GABBR2: variants seen among roughly 807,000 people sequenced by gnomAD.
The protein encoded by GABBR2 is G-protein coupled receptor 51.
In GABBR2, 23 loss-of-function variants were observed where a neutral mutation model predicts 105.6. That is an observed-to-expected ratio of 0.22 (90% CI 0.16 to 0.31). The LOEUF is 0.31. GABBR2 is among the 10% of genes least tolerant of loss of function. The pLI is 1.00. For synonymous variants in GABBR2, 478 were observed against 499.7 expected (o/e 0.96, Z 0.58); for missense variants, 734 against 1,245.5 (o/e 0.59, Z 6.18).
At chr9:98,536,404 C>G (rs974099129) in intron 3 of GABBR2, among the ~76,000 whole-genome samples, 4 of 152,162 alleles carry the variant, frequency 2.6e-5, no homozygotes, top group African/African-American at 9.7e-5. Flanking sequence ...TTAGCTGCAA[C>G]ATAGAATTGA....
intron 6 of GABBR2, among the ~76,000 whole-genome samples, chr9:98,456,024 C>A (rs946767340): frequency 6.6e-6 from 1 of 152,170 alleles, no homozygotes; most frequent in Non-Finnish European, 1.5e-5. Flanking sequence ...AAACTCCCCC[C>A]AAATCCCAGG....
chr9:98,700,470 T>C (rs144548516), intron 1 of GABBR2, among the ~76,000 whole-genome samples: 1 of 152,304 alleles, frequency 6.6e-6, no homozygotes, highest in Non-Finnish European at 1.5e-5. Flanking sequence ...ACTCATGTAA[T>C]GGATAATCTT....
chr9:98,485,129 G>T lies in GABBR2; in HGVS notation c.733-4132C>A, dbSNP rs149191905. ...TGTGCCCTTCCAGGGACTTGGCTCTGCAGGGAGCTTCCTGGAGTGAAAGCA... is the reference window on the plus strand; with the variant it reads ...TGTGCCCTTCCAGGGACTTGGCTCTTCAGGGAGCTTCCTGGAGTGAAAGCA... On this transcript the variant is annotated intron_variant, in intron 4 of 18. Transcript: ENST00000259455. 1.3e-3 allele frequency among the ~76,000 whole-genome samples: 202 copies of T among 152,344 alleles called. 1 individual carries two copies. Among genetic ancestry groups the T allele is most frequent in the African/African-American group, 4.6e-3 (192 of 41,580 alleles).
chr9:98,616,078 A>G (rs536141273), intron 1 of GABBR2, among the ~76,000 whole-genome samples: 2 of 152,348 alleles, frequency 1.3e-5, no homozygotes, highest in South Asian at 4.1e-4. Context: ...AGATAAGGAA[A>G]CTGAGATTCA....
intron 7 of GABBR2, among the ~76,000 whole-genome samples, chr9:98,424,957 G>T (rs1010574596): frequency 6.6e-6 from 1 of 151,724 alleles, no homozygotes; most frequent in East Asian, 1.9e-4. Flanking sequence ...ACCAATGACT[G>T]TCTTCACAGA....
At chr9:98,401,774 G>A (rs1482842428) in intron 8 of GABBR2, among the ~76,000 whole-genome samples, 1 of 152,180 alleles carries the variant, frequency 6.6e-6, no homozygotes, top group East Asian at 1.9e-4. Flanking sequence ...ATTCTAGTAG[G>A]TTCTGGGAAA....
intron 2 of GABBR2, among the ~76,000 whole-genome samples, chr9:98,563,575 C>T (rs1265544439): frequency 1.3e-5 from 2 of 152,192 alleles, no homozygotes; most frequent in Non-Finnish European, 1.5e-5. Context: ...TCTCAGAAGA[C>T]ACCCCGGATG....
At chr9:98,298,581 A>T (rs1250952343) in intron 17 of GABBR2, among the ~76,000 whole-genome samples, 2 of 151,928 alleles carry the variant, frequency 1.3e-5, no homozygotes, top group East Asian at 1.9e-4. Context: ...AACCTTTAAA[A>T]TTTTTTTTCT....
intron 1 of GABBR2, among the ~76,000 whole-genome samples, chr9:98,638,563 A>G (rs1401315469): frequency 6.6e-6 from 1 of 152,228 alleles, no homozygotes; most frequent in Non-Finnish European, 1.5e-5. Context: ...GGCTGGATAC[A>G]AAAACCCACC....
chr9:98,406,013 A>G lies in GABBR2; in HGVS notation c.1297+68T>C, dbSNP rs148099536. Reference sequence around the variant, plus strand: ...ACTTGCATTCCTTTTGATGTATTATATTGCATAAAACAACATTCCTGAATC... The same window carrying G: ...ACTTGCATTCCTTTTGATGTATTATGTTGCATAAAACAACATTCCTGAATC... On this transcript the variant is annotated intron_variant, in intron 8 of 18. Transcript: ENST00000259455. The G allele has an allele frequency of 9.6e-4, 841 of 875,234 alleles. 11 individuals carry two copies. The East Asian group carries it at 0.02, about 21-fold the overall frequency. 54.2% of individuals were successfully genotyped at this position (875,234 alleles called of 1,614,324 possible).
At position 98,496,494 on chromosome 9, in the gene GABBR2, T is replaced by C. The variant is rs1425850806; in HGVS notation, c.651A>G (p.Gly217=). 6.2e-7 allele frequency: 1 copy of C among 1,612,026 alleles called. No individual in the cohort carries two copies. The highest frequency in any genetic ancestry group is 1.7e-5 in the Admixed American group (1 of 60,004). ...RFSEVRNDLT[G]VLYGEDIEIS... ...TCTCAATGTCCTCGCCATACAGAAC[T>C]CCAGTCAGGTCATTCCGCACCTGTC... The change falls in exon 4 of 19, where the codon GGA becomes GGG. Residue 217 remains glycine (G), a synonymous_variant. Transcript: ENST00000259455.
At chr9:98,590,190 C>T (rs184409090) in intron 1 of GABBR2, among the ~76,000 whole-genome samples, 6 of 152,334 alleles carry the variant, frequency 3.9e-5, no homozygotes, top group Admixed American at 3.3e-4. Flanking sequence ...ATATCCATAG[C>T]TCTGTCCCAA....
intron 13 of GABBR2, among the ~76,000 whole-genome samples, chr9:98,316,149 A>G (rs1394842396): frequency 7.1e-6 from 1 of 141,764 alleles, no homozygotes; most frequent in African/African-American, 2.5e-5. Flanking sequence ...CAAAATTTTC[A>G]ACTGGCTTTT....
chr9:98,705,909 T>C (rs1830885790), intron 1 of GABBR2, among the ~76,000 whole-genome samples: 1 of 151,742 alleles, frequency 6.6e-6, no homozygotes, highest in Admixed American at 6.6e-5. Context: ...AAACCCCATC[T>C]CTACTAAAAA....
At position 98,290,557 on chromosome 9, in the gene GABBR2, G is replaced by T. The variant is rs777626373; in HGVS notation, c.*27C>A. On this transcript the variant is annotated 3_prime_UTR_variant, in exon 19 of 19. Coordinates refer to ENST00000259455, the MANE Select transcript of GABBR2 (RefSeq NM_005458.8). ...TGCCCAGTGTGGTTCTGTCACGGGG[G>T]AGGCCCCGGGCCCAGGCCTCCCACC... 7.4e-6 allele frequency: 10 copies of T among 1,347,546 alleles called. No individual in the cohort carries two copies. Among genetic ancestry groups the T allele is most frequent in the Non-Finnish European group, 9.6e-6 (10 of 1,044,310 alleles). The allele number at this position is 1,347,546 out of a possible 1,614,324, so 83.5% of individuals were successfully genotyped here.
intron 7 of GABBR2, among the ~76,000 whole-genome samples, chr9:98,436,300 T>TATAC (rs1825904452): frequency 8.7e-6 from 1 of 114,332 alleles, no homozygotes; most frequent in Non-Finnish European, 1.7e-5. Flanking sequence ...TATATATATA[T>TATAC]ATACCCATAA....
intron 4 of GABBR2, among the ~76,000 whole-genome samples, chr9:98,489,432 C>G (rs999968526): frequency 3.3e-5 from 5 of 152,204 alleles, no homozygotes; most frequent in Non-Finnish European, 7.3e-5. Context: ...TAGGGAAGCT[C>G]TGTGGGCCCA....
rs748623294 is a variant in GABBR2, at chr9:98,299,188, G to A, written c.2542+36C>T. 3.8e-6 allele frequency: 6 copies of A among 1,595,600 alleles called. 1 individual carries two copies. The highest frequency in any genetic ancestry group is 1.8e-4 in the Middle Eastern group (1 of 5,482). On this transcript the variant is annotated intron_variant, in intron 17 of 18. Coordinates refer to ENST00000259455, the MANE Select transcript of GABBR2 (RefSeq NM_005458.8). ...ATGAACAGCTGGTGTTTGAAACCAAGGTCCCTACCACATTCTGGGGCCCTG... is the reference window on the plus strand; with the variant it reads ...ATGAACAGCTGGTGTTTGAAACCAAAGTCCCTACCACATTCTGGGGCCCTG...
chr9:98,398,327 C>CCA (rs910144063), intron 8 of GABBR2, among the ~76,000 whole-genome samples: 15 of 150,154 alleles, frequency 1.0e-4, no homozygotes, highest in African/African-American at 3.3e-4. Context: ...CTAGGACCCA[C>CCA]CCCCCAAACT....
Sources: allele counts gnomAD v4.1 joint callset (sites outside exome capture counted in the v4.1 genomes callset), GRCh38; gene constraint gnomAD v4.1.1; transcripts MANE v1.5; gene names NCBI Gene and HGNC (gene_info 2026-07-23, HGNC 2026-07-21).